MME: variants seen among roughly 807,000 people sequenced by gnomAD.
The protein encoded by MME is neprilysin.
MME carries 98 observed loss-of-function variants against 113.2 expected under a neutral mutation model. The observed-to-expected ratio is 0.87, with a 90% CI of 0.74 to 1.02. The LOEUF (loss-of-function observed/expected upper bound fraction) is 1.02. Among genes scored for constraint, MME ranks in the 50% least tolerant of loss-of-function variants. The pLI, the probability that MME is intolerant of heterozygous loss-of-function variation, is 0.00. For synonymous variants in MME, 292 were observed against 300.6 expected (o/e 0.97, Z 0.30); for missense variants, 836 against 896.0 (o/e 0.93, Z 0.86).
chr3:155,147,982 T>C (rs1721649392), intron 15 of MME, among the ~76,000 whole-genome samples: 1 of 152,150 alleles, frequency 6.6e-6, no homozygotes, highest in Admixed American at 6.6e-5. Flanking sequence ...GGGGTCCTTA[T>C]AGCAGGAGCA....
chr3:155,073,973 TA>T (rs1418541532), intron 1 of MME, among the ~76,000 whole-genome samples: 1 of 152,160 alleles, frequency 6.6e-6, no homozygotes, highest in Non-Finnish European at 1.5e-5. Context: ...ATGATCATAC[TA>T]CATAATTTAC....
Position 155,049,258 on chromosome 3 carries a change from G to A in MME, c.-11+24934G>A, listed in dbSNP as rs748039704. On this transcript the variant is annotated intron_variant, in intron 1 of 22. Transcript: ENST00000492661. ...ATAATAATTGAGATAAGATTATGCC[G>A]GATTAGGATGCACCCCATGTCCCAA... 2.0e-4 allele frequency among the ~76,000 whole-genome samples: 30 copies of A among 151,966 alleles called. 1 individual carries two copies. Among genetic ancestry groups the A allele is most frequent in the South Asian group, 6.2e-4 (3 of 4,822 alleles).
At chr3:155,159,933 A>G (rs1316927186) in intron 16 of MME, among the ~76,000 whole-genome samples, 2 of 152,154 alleles carry the variant, frequency 1.3e-5, no homozygotes, top group South Asian at 2.1e-4. Context: ...CTTAGTTCCC[A>G]AAAAGGTTCT....
chr3:155,170,345 G>A (rs1456132239), intron 20 of MME, among the ~76,000 whole-genome samples: 5 of 152,116 alleles, frequency 3.3e-5, no homozygotes, highest in African/African-American at 9.7e-5. Context: ...GTGCCTGACC[G>A]CATTTTACCT....
At chr3:155,136,783 T>C (rs950457226) in intron 8 of MME, among the ~76,000 whole-genome samples, 6 of 152,212 alleles carry the variant, frequency 3.9e-5, no homozygotes, top group Non-Finnish European at 8.8e-5. Flanking sequence ...TCCATAAGGA[T>C]GTAAAATATT....
intron 9 of MME, 59 bp downstream of exon 9, chr3:155,138,295 C>CCTCT (rs1484569874): frequency 1.3e-6 from 2 of 1,544,704 alleles, no homozygotes; most frequent in African/African-American, 2.7e-5. Flanking sequence ...TTTTCTTTCC[C>CCTCT]CTCTCTATCA....
intron 6 of MME, 36 bp from the exon 7 acceptor site, chr3:155,116,832 G>T: frequency 6.4e-7 from 1 of 1,555,132 alleles, no homozygotes. Flanking sequence ...GTGAACTAAA[G>T]CTTCTAAAGA....
intron 18 of MME, among the ~76,000 whole-genome samples, chr3:155,167,967 C>T (rs1711518462): frequency 1.3e-5 from 2 of 152,106 alleles, no homozygotes. Context: ...ACACATGATA[C>T]ATATAAATGC....
At position 155,041,363 on chromosome 3, in the gene MME, C is replaced by T. The variant is rs73874468; in HGVS notation, c.-11+17039C>T. ...TTTACAACATTTCACCTGTAGTCAACGATAATGTATGATTCACTTAAAAAT... is the reference window on the plus strand; with the variant it reads ...TTTACAACATTTCACCTGTAGTCAATGATAATGTATGATTCACTTAAAAAT... On this transcript the variant is annotated intron_variant, in intron 1 of 22. Coordinates refer to the MME transcript ENST00000492661. Among the ~76,000 whole-genome samples, 443 of 152,090 alleles carry T rather than the reference C, an allele frequency of 2.9e-3. 1 individual carries two copies. Among genetic ancestry groups the T allele is most frequent in the African/African-American group, 8.9e-3 (371 of 41,498 alleles).
chr3:155,035,010 A>G (rs1452669990), intron 1 of MME, among the ~76,000 whole-genome samples: 1 of 152,134 alleles, frequency 6.6e-6, no homozygotes, highest in Non-Finnish European at 1.5e-5. Flanking sequence ...AAGGGAATGT[A>G]CCAGCACTCA....
At chr3:155,111,769 T>C (rs1718208254) in intron 3 of MME, among the ~76,000 whole-genome samples, 1 of 152,132 alleles carries the variant, frequency 6.6e-6, no homozygotes, top group South Asian at 2.1e-4. Context: ...AAGCTTTCAT[T>C]TCCCCAGAAA....
chr3:155,156,297 G>A (rs754697991), intron 16 of MME, among the ~76,000 whole-genome samples: 11 of 152,168 alleles, frequency 7.2e-5, no homozygotes, highest in Admixed American at 2.0e-4. Flanking sequence ...TGTGTTCTAC[G>A]TTGTATAATG....
rs565079506 is a variant in MME, at chr3:155,153,642, A to C, written c.1601+4989A>C. Among the ~76,000 whole-genome samples the C allele has an allele frequency of 3.3e-5, 5 of 152,296 alleles. No individual in the cohort carries two copies. The East Asian group carries it at 7.7e-4, about 24-fold the overall frequency. ...CTCAGGACAGAACTTCCTGTGATATAATTGTGATGGGTGTTGCTAGTGTTT... is the reference window on the plus strand; with the variant it reads ...CTCAGGACAGAACTTCCTGTGATATCATTGTGATGGGTGTTGCTAGTGTTT... On this transcript the variant is annotated intron_variant, in intron 16 of 22. Transcript: ENST00000360490.
chr3:155,029,947 C>G (rs73874449), intron 1 of MME, among the ~76,000 whole-genome samples: 12,227 of 152,042 alleles, frequency 0.08, 708 homozygotes, highest in African/African-American at 0.16. Context: ...AGATCTTATG[C>G]CTTTAGAATA....
intron 18 of MME, among the ~76,000 whole-genome samples, 192 bp from the exon 19 acceptor site, chr3:155,168,300 T>C (rs1711542148): frequency 6.6e-6 from 1 of 152,168 alleles, no homozygotes; most frequent in Admixed American, 6.5e-5. Flanking sequence ...CTGAGAAGCA[T>C]TAGCAAAGAA....
At chr3:155,134,080 C>A (rs569826245) in intron 8 of MME, among the ~76,000 whole-genome samples, 1 of 151,790 alleles carries the variant, frequency 6.6e-6, no homozygotes, top group African/African-American at 2.4e-5. Context: ...TGAGAATATA[C>A]GTAAAATTGT....
At chr3:155,130,539 G>T (rs1720058725) in intron 8 of MME, among the ~76,000 whole-genome samples, 1 of 152,146 alleles carries the variant, frequency 6.6e-6, no homozygotes, top group Non-Finnish European at 1.5e-5. Context: ...ACATTTTAGG[G>T]ATGAGGATAG....
At chr3:155,072,986 T>A (rs1382001197) in intron 1 of MME, among the ~76,000 whole-genome samples, 4 of 152,232 alleles carry the variant, frequency 2.6e-5, no homozygotes, top group African/African-American at 4.8e-5. Flanking sequence ...AAAAAGTTCA[T>A]TTGCATGGTT....
At chr3:155,166,817 T>A in intron 17 of MME, 85 bp from the exon 18 acceptor site, 1 of 1,561,676 alleles carries the variant, frequency 6.4e-7, no homozygotes, top group Non-Finnish European at 8.8e-7. Flanking sequence ...CAGCTACTCC[T>A]GAGGAGGGAG....
Sources: allele counts gnomAD v4.1 joint callset (sites outside exome capture counted in the v4.1 genomes callset), GRCh38; gene constraint gnomAD v4.1.1; transcripts MANE v1.5; gene names NCBI Gene and HGNC (gene_info 2026-07-23, HGNC 2026-07-21).